The following ATP10B variants were observed in gnomAD, a reference collection of about 807,000 sequenced individuals.
ATP10B encodes ATPase phospholipid transporting 10B (putative), also known as phospholipid-transporting ATPase VB.
Under a neutral mutation model 141.2 loss-of-function variants are expected in ATP10B, and 122 were observed. The ratio of observed to expected loss-of-function variants is 0.86; its 90% CI spans 0.75 to 1.00. The LOEUF is 1.00. ATP10B is among the 50% of genes least tolerant of loss of function. The probability of loss-of-function intolerance (pLI) is 0.00; values close to 1 mark genes in which losing one functional copy is unlikely to be tolerated. For synonymous variants in ATP10B, 685 were observed against 692.0 expected (o/e 0.99, Z 0.16); for missense variants, 1,876 against 1,825.3 (o/e 1.03, Z -0.51).
chr5:160,906,935 T>A, the ATP10B span, among the ~76,000 whole-genome samples: 10 of 152,156 alleles, frequency 6.6e-5, no homozygotes, highest in Admixed American at 6.6e-4. Context: ...TTGGGTCTTG[T>A]TTGACCTGTA....
intron 1 of ATP10B, among the ~76,000 whole-genome samples, chr5:160,816,281 A>T (rs1057416201): frequency 1.3e-5 from 2 of 149,610 alleles, no homozygotes; most frequent in Non-Finnish European, 3.0e-5. Flanking sequence ...GAAAAGAGAG[A>T]AGAATCAAAT....
At chr5:160,665,789 T>G (rs967417209) in intron 7 of ATP10B, among the ~76,000 whole-genome samples, 24 of 152,178 alleles carry the variant, frequency 1.6e-4, no homozygotes, top group African/African-American at 5.8e-4. Flanking sequence ...AGTGTGGGTA[T>G]ATATGTGGGG....
intron 3 of ATP10B, among the ~76,000 whole-genome samples, chr5:160,689,987 T>C (rs560017990): frequency 2.0e-5 from 3 of 151,916 alleles, no homozygotes; most frequent in African/African-American, 2.4e-5. Context: ...CAAAACAGCA[T>C]GATACTGGTA....
chr5:160,806,220 C>T (rs1329302496), intron 1 of ATP10B, among the ~76,000 whole-genome samples: 1 of 152,208 alleles, frequency 6.6e-6, no homozygotes, highest in Non-Finnish European at 1.5e-5. Flanking sequence ...ACCTGGGCAT[C>T]CTGTAGTCTA....
intron 9 of ATP10B, among the ~76,000 whole-genome samples, chr5:160,643,639 T>C (rs1263935241): frequency 6.6e-6 from 1 of 152,198 alleles, no homozygotes; most frequent in African/African-American, 2.4e-5. Flanking sequence ...AGTAAAAACA[T>C]AACTGCAAAA....
intron 3 of ATP10B, among the ~76,000 whole-genome samples, chr5:160,691,289 G>C (rs1465653908): frequency 3.3e-5 from 5 of 151,968 alleles, no homozygotes; most frequent in African/African-American, 1.2e-4. Flanking sequence ...AAACTACCAT[G>C]GCACAGGTAT....
intron 3 of ATP10B, among the ~76,000 whole-genome samples, chr5:160,710,001 A>G (rs1179003804): frequency 2.0e-4 from 18 of 89,108 alleles, no homozygotes; most frequent in African/African-American, 4.9e-4. Flanking sequence ...TTCTTAATCA[A>G]GTCTATCATT....
chr5:160,888,839 A>T, the ATP10B span, among the ~76,000 whole-genome samples: 1 of 152,334 alleles, frequency 6.6e-6, no homozygotes, highest in East Asian at 1.9e-4. Context: ...AGATTTTACA[A>T]TTTATACACC....
At chr5:160,839,998 T>A (rs1273787908) in intron 1 of ATP10B, among the ~76,000 whole-genome samples, 2 of 151,980 alleles carry the variant, frequency 1.3e-5, no homozygotes, top group Non-Finnish European at 2.9e-5. Flanking sequence ...TTATTTACAA[T>A]ACCAACAAAA....
chr5:160,760,564 A>T (rs1188761494), intron 2 of ATP10B, among the ~76,000 whole-genome samples: 3 of 152,262 alleles, frequency 2.0e-5, no homozygotes, highest in African/African-American at 7.2e-5. Flanking sequence ...CATTAAAAGA[A>T]AAACAAAATA....
chr5:160,847,203 T>C (rs1372771248), intron 1 of ATP10B, among the ~76,000 whole-genome samples: 1 of 152,198 alleles, frequency 6.6e-6, no homozygotes, highest in African/African-American at 2.4e-5. Flanking sequence ...TCAAGTCTAA[T>C]AGTTCCTGGG....
At chr5:160,725,846 C>T (rs1443206795) in intron 2 of ATP10B, among the ~76,000 whole-genome samples, 1 of 152,140 alleles carries the variant, frequency 6.6e-6, no homozygotes, top group Non-Finnish European at 1.5e-5. Context: ...ATGGCAAAAT[C>T]TGTGACTCAG....
chr5:160,897,013 CAAT>C, the ATP10B span, among the ~76,000 whole-genome samples: 1 of 152,154 alleles, frequency 6.6e-6, no homozygotes, highest in Non-Finnish European at 1.5e-5. Flanking sequence ...TAAAACCTCT[CAAT>C]AAACTAGGTA....
At chr5:160,823,309 T>C (rs1010378045) in intron 1 of ATP10B, among the ~76,000 whole-genome samples, 2 of 151,752 alleles carry the variant, frequency 1.3e-5, no homozygotes, top group Non-Finnish European at 2.9e-5. Flanking sequence ...AAACAACACA[T>C]GTTCATACTT....
intron 3 of ATP10B, among the ~76,000 whole-genome samples, chr5:160,707,914 T>C (rs1299651696): frequency 6.6e-6 from 1 of 152,166 alleles, no homozygotes; most frequent in Non-Finnish European, 1.5e-5. Context: ...TGAAGAAGAA[T>C]GATAGAGTGA....
At chr5:160,607,532 T>A (rs1757462553) in intron 18 of ATP10B, among the ~76,000 whole-genome samples, 1 of 152,174 alleles carries the variant, frequency 6.6e-6, no homozygotes, top group East Asian at 1.9e-4. Flanking sequence ...TGAAATGAGA[T>A]CTTTAATAAC....
the ATP10B span, among the ~76,000 whole-genome samples, chr5:160,924,959 T>C: frequency 6.6e-6 from 1 of 152,154 alleles, no homozygotes; most frequent in African/African-American, 2.4e-5. Flanking sequence ...AGGAGAAAGT[T>C]CTGGTCAATC....
chr5:160,923,143 G>A, the ATP10B span, among the ~76,000 whole-genome samples: 446 of 152,282 alleles, frequency 2.9e-3, 1 homozygote, highest in African/African-American at 0.01. Flanking sequence ...GCCATCGATC[G>A]GAAGGCTGGC....
At chr5:160,604,890 T>C (rs1451494699) in intron 19 of ATP10B, among the ~76,000 whole-genome samples, 4 of 152,208 alleles carry the variant, frequency 2.6e-5, no homozygotes. Context: ...CAGATAGCTC[T>C]ATACAGTGAG....
Sources: gnomAD v4.1 joint callset for allele counts (sites outside exome capture counted in the v4.1 genomes callset) on GRCh38, gnomAD v4.1.1 for gene constraint, MANE v1.5 for transcripts, NCBI Gene and HGNC (gene_info 2026-07-23, HGNC 2026-07-21) for gene names.